The following MAP7 variants were observed in gnomAD, a reference collection of about 807,000 sequenced individuals.
MAP7 encodes the protein microtubule associated protein 7.
A neutral mutation model predicts 94.8 loss-of-function variants in MAP7; 52 were observed. That is an observed-to-expected ratio of 0.55 (90% CI 0.44 to 0.69). The LOEUF (loss-of-function observed/expected upper bound fraction) is 0.69. Among genes scored for constraint, MAP7 ranks in the 30% least tolerant of loss-of-function variants. MAP7 has a pLI of 0.00. For missense variants in MAP7, 940 were observed against 964.6 expected, an observed-to-expected ratio of 0.97 and a Z score of 0.34; for synonymous variants, 350 against 357.0, an observed-to-expected ratio of 0.98 and a Z score of 0.22.
intron 1 of MAP7, among the ~76,000 whole-genome samples, chr6:136,445,659 C>T (rs1254834656): frequency 6.6e-6 from 1 of 152,140 alleles, no homozygotes; most frequent in East Asian, 1.9e-4. Context: ...ATTAGTTTTC[C>T]ATGAACTTGC....
intron 1 of MAP7, among the ~76,000 whole-genome samples, chr6:136,434,435 C>T (rs1795821734): frequency 6.6e-6 from 1 of 151,732 alleles, no homozygotes; most frequent in African/African-American, 2.4e-5. Context: ...TAGGACCAAG[C>T]AAGGGCTTTG....
At chr6:136,537,710 T>C (rs972301850) in intron 1 of MAP7, among the ~76,000 whole-genome samples, 2 of 152,220 alleles carry the variant, frequency 1.3e-5, no homozygotes, top group Non-Finnish European at 2.9e-5. Flanking sequence ...AAAAGACAAT[T>C]TGGGAGCATT....
chr6:136,429,164 T>A (rs1193251741), intron 1 of MAP7, among the ~76,000 whole-genome samples: 1 of 152,146 alleles, frequency 6.6e-6, no homozygotes, highest in African/African-American at 2.4e-5. Flanking sequence ...AAATATCTCA[T>A]GTTAATCTAG....
chr6:136,453,046 G>A (rs1801675767), intron 1 of MAP7, among the ~76,000 whole-genome samples: 4 of 152,100 alleles, frequency 2.6e-5, no homozygotes, highest in African/African-American at 9.7e-5. Flanking sequence ...CTGTACTCTG[G>A]AGATTCAGTT....
chr6:136,437,479 A>C (rs1375187353), intron 1 of MAP7, among the ~76,000 whole-genome samples: 1 of 152,192 alleles, frequency 6.6e-6, no homozygotes, highest in Non-Finnish European at 1.5e-5. Context: ...GAGCTCCCGA[A>C]AGTGCCCTGC....
intron 1 of MAP7, among the ~76,000 whole-genome samples, chr6:136,427,590 T>C (rs1793544019): frequency 6.6e-6 from 1 of 152,224 alleles, no homozygotes; most frequent in African/African-American, 2.4e-5. Flanking sequence ...ATAACAATCA[T>C]GAACCATTTA....
chr6:136,367,539 A>G (rs1029605407), intron 8 of MAP7, among the ~76,000 whole-genome samples: 1 of 152,102 alleles, frequency 6.6e-6, no homozygotes, highest in African/African-American at 2.4e-5. Context: ...TTTCCTTAGC[A>G]GCATCCTAGT....
At chr6:136,523,273 C>G (rs766179489) in intron 1 of MAP7, among the ~76,000 whole-genome samples, 17 of 152,152 alleles carry the variant, frequency 1.1e-4, no homozygotes, top group South Asian at 2.1e-4. Context: ...CAGGACCCAA[C>G]CATATCCAAC....
chr6:136,383,949 T>G (rs925618409), intron 5 of MAP7, among the ~76,000 whole-genome samples, 168 bp from the exon 6 acceptor site: 2 of 152,226 alleles, frequency 1.3e-5, no homozygotes, highest in Non-Finnish European at 2.9e-5. Flanking sequence ...CTTAAAGGCT[T>G]AGAAATAAAA....
chr6:136,368,597 A>C (rs1272621045), intron 8 of MAP7, among the ~76,000 whole-genome samples: 2 of 152,224 alleles, frequency 1.3e-5, no homozygotes, highest in African/African-American at 2.4e-5. Flanking sequence ...TTAAATCTAA[A>C]TTAATTCAAA....
chr6:136,352,248 C>T (rs1292321502), intron 16 of MAP7, among the ~76,000 whole-genome samples: 1 of 149,630 alleles, frequency 6.7e-6, no homozygotes, highest in Non-Finnish European at 1.5e-5. Flanking sequence ...AGTGCAGGGG[C>T]ATGATCAAGG....
chr6:136,393,404 G>A (rs894452728), intron 3 of MAP7, among the ~76,000 whole-genome samples: 21 of 152,108 alleles, frequency 1.4e-4, no homozygotes, highest in Non-Finnish European at 2.2e-4. Context: ...TAGTTCAAAC[G>A]CAGATTCCAG....
chr6:136,453,472 T>G (rs1310736114), intron 1 of MAP7, among the ~76,000 whole-genome samples: 2 of 152,246 alleles, frequency 1.3e-5, no homozygotes, highest in Non-Finnish European at 2.9e-5. Flanking sequence ...TTATTTGCAT[T>G]TGTCATAATA....
At chr6:136,487,899 C>T (rs147897011) in intron 1 of MAP7, among the ~76,000 whole-genome samples, 7 of 152,248 alleles carry the variant, frequency 4.6e-5, no homozygotes, top group East Asian at 1.9e-4. Context: ...GCACTTCATA[C>T]GCTAATATAC....
chr6:136,538,001 C>T (rs1015761056), intron 1 of MAP7, among the ~76,000 whole-genome samples: 1 of 152,176 alleles, frequency 6.6e-6, no homozygotes, highest in East Asian at 1.9e-4. Context: ...AGGCTGGTCT[C>T]GAACTCCCGA....
chr6:136,450,058 G>A (rs980732707), intron 1 of MAP7, among the ~76,000 whole-genome samples: 2 of 152,100 alleles, frequency 1.3e-5, no homozygotes, highest in Non-Finnish European at 2.9e-5. Flanking sequence ...GCATGGAGGT[G>A]CATGCCTGTA....
intron 1 of MAP7, among the ~76,000 whole-genome samples, chr6:136,516,564 A>G (rs1345958113): frequency 1.3e-5 from 2 of 152,188 alleles, no homozygotes; most frequent in Non-Finnish European, 2.9e-5. Context: ...GAAGAGCTCC[A>G]AGCGAGACAG....
intron 12 of MAP7, 67 bp downstream of exon 12, chr6:136,360,935 CCCT>C: frequency 6.5e-7 from 1 of 1,546,216 alleles, no homozygotes. Context: ...CCAGTCCGCA[CCCT>C]CCTCTGCTGG....
At chr6:136,446,898 TCAAGGA>T (rs1799529961) in intron 1 of MAP7, among the ~76,000 whole-genome samples, 1 of 152,176 alleles carries the variant, frequency 6.6e-6, no homozygotes, top group African/African-American at 2.4e-5. Flanking sequence ...AGAATAACAG[TCAAGGA>T]CAAAAACTTA....
Sources: gnomAD v4.1 joint callset for allele counts (sites outside exome capture counted in the v4.1 genomes callset) on GRCh38, gnomAD v4.1.1 for gene constraint, MANE v1.5 for transcripts, NCBI Gene and HGNC (gene_info 2026-07-23, HGNC 2026-07-21) for gene names.